Variants in DOCK2 observed in about 807,000 individuals in gnomAD.
DOCK2 encodes the protein dedicator of cytokinesis protein 2.
In DOCK2, 87 loss-of-function variants were observed where a neutral mutation model predicts 248.9. The observed-to-expected ratio is 0.35, with a 90% CI of 0.29 to 0.42. DOCK2 has a LOEUF of 0.42. Among genes scored for constraint, DOCK2 ranks in the 10% least tolerant of loss-of-function variants. The pLI is 1.00. For synonymous variants in DOCK2, 805 were observed against 821.6 expected, an observed-to-expected ratio of 0.98 and a Z score of 0.35; for missense variants, 1,747 against 2,300.2, an observed-to-expected ratio of 0.76 and a Z score of 4.92.
chr5:170,040,854 A>G, intron 36 of DOCK2: 1 of 478,866 alleles, frequency 2.1e-6, no homozygotes, highest in Admixed American at 3.3e-5. Flanking sequence ...TAAAATAGTT[A>G]ACTTAGTACC....
At chr5:169,970,173 G>A (rs1428809497) in intron 27 of DOCK2, among the ~76,000 whole-genome samples, 1 of 152,204 alleles carries the variant, frequency 6.6e-6, no homozygotes, top group Admixed American at 6.5e-5. Flanking sequence ...TTAATTTGAT[G>A]TTCTTAACCA....
intron 9 of DOCK2, among the ~76,000 whole-genome samples, chr5:169,693,058 G>C (rs1463200643): frequency 6.6e-6 from 1 of 152,160 alleles, no homozygotes; most frequent in East Asian, 1.9e-4. Context: ...AGTCTAGGAA[G>C]CTTTCAGGTA....
At chr5:170,007,274 G>T (rs373434295) in intron 30 of DOCK2, among the ~76,000 whole-genome samples, 1 of 152,148 alleles carries the variant, frequency 6.6e-6, no homozygotes, top group South Asian at 2.1e-4. Context: ...GTTGAGAGGG[G>T]CCTAAAGTGG....
chr5:169,718,667 A>G lies in DOCK2; in HGVS notation c.2143A>G (p.Thr715Ala), dbSNP rs1762031032. 1 of 1,612,152 alleles carries G rather than the reference A, an allele frequency of 6.2e-7. No individual in the cohort carries two copies. The highest frequency in any genetic ancestry group is 1.3e-5 in the African/African-American group (1 of 75,004). Residue 715 changes from threonine to alanine, a missense_variant, in exon 22 of 52, where the codon ACA (threonine) becomes GCA (alanine). Physicochemically the swap from Thr to Ala is moderately conservative, Grantham distance 58. This residue lies in a region of DOCK2 where 858 missense variants were observed against 1,183.5 expected (regional missense o/e 0.72). Transcript: ENST00000520908. ...SATLAYKKLM[T>A]VLKTYLDTSS... ...TTATCCCTTATTCAGGAAATTGATG[A>G]CAGTGCTGAAGACTTACTTGGATAC... is the stretch of plus-strand genomic sequence containing the variant.
intron 5 of DOCK2, 43 bp from the exon 6 acceptor site, chr5:169,674,254 C>T (rs1759202846): frequency 6.2e-7 from 1 of 1,605,214 alleles, no homozygotes; most frequent in African/African-American, 1.3e-5. Context: ...GATGGTCATG[C>T]CCCTTTAACA....
chr5:169,764,480 CCT>C lies in DOCK2; in HGVS notation c.2554+2860_2554+2861del, dbSNP rs1764653966. On this transcript the variant is annotated intron_variant, in intron 25 of 51. Transcript: ENST00000520908. This position sits in a 1 kb window ranked among gnomAD's most constrained non-coding sequence, Gnocchi z 4.3. ...GTGTGACTATGGGTAATTTTCTAAA[CCT>C]CTCTGATTCTCAGTAAGCTCATCTG... Among the ~76,000 whole-genome samples the C allele has an allele frequency of 1.3e-5, 2 of 152,164 alleles. No homozygotes were observed. Among genetic ancestry groups the C allele is most frequent in the Admixed American group, 1.3e-4 (2 of 15,272 alleles).
chr5:169,669,288 A>G lies in DOCK2; in HGVS notation c.128A>G (p.Asp43Gly), dbSNP rs1282604050. 3.7e-6 allele frequency: 6 copies of G among 1,613,216 alleles called. No homozygotes were observed. The highest frequency in any genetic ancestry group is 1.7e-5 in the Admixed American group (1 of 59,810). The change falls in exon 3 of 52, where the codon GAC becomes GGC. Residue 43 changes from aspartate to glycine, a missense_variant and splice_region_variant. Coordinates refer to ENST00000520908, the MANE Select transcript of DOCK2 (RefSeq NM_004946.3). ...CTGTTTCTTTGTTTTCTTTTTGCAG[A>G]CTGGTATAGGGGATACCTCATAAAG... Reference protein sequence around the residue: ...DVVRIQETCGDWYRGYLIKHK... With the variant: ...DVVRIQETCGGWYRGYLIKHK...
intron 22 of DOCK2, among the ~76,000 whole-genome samples, chr5:169,738,531 C>T (rs1763156915): frequency 6.6e-6 from 1 of 152,128 alleles, no homozygotes; most frequent in African/African-American, 2.4e-5. Context: ...TTAGGCTGTG[C>T]TTGGAAACTA....
chr5:169,968,849 G>T (rs771225224), intron 27 of DOCK2, among the ~76,000 whole-genome samples: 1 of 152,120 alleles, frequency 6.6e-6, no homozygotes, highest in Admixed American at 6.5e-5. Flanking sequence ...AATAGAGAAG[G>T]CTTCCCGGGA....
intron 27 of DOCK2, among the ~76,000 whole-genome samples, chr5:169,941,029 C>T (rs1245544720): frequency 6.6e-6 from 1 of 152,132 alleles, no homozygotes; most frequent in Non-Finnish European, 1.5e-5. Context: ...GAAAGCCTGC[C>T]CTCATGAAGT....
chr5:169,953,332 CAA>C (rs576183648), intron 27 of DOCK2, among the ~76,000 whole-genome samples: 25 of 123,458 alleles, frequency 2.0e-4, no homozygotes, highest in Non-Finnish European at 1.7e-4. Context: ...GACTCTATCT[CAA>C]AAAAAAAAAA....
At position 169,925,578 on chromosome 5, in the gene DOCK2, T is replaced by TAAAAAAAAA. The variant is rs1561828965; in HGVS notation, c.2800-57490_2800-57489insAAAAAAAAA. 1.5e-4 allele frequency among the ~76,000 whole-genome samples: 5 copies of TAAAAAAAAA among 32,324 alleles called. 2 individuals carry two copies. The highest frequency in any genetic ancestry group is 6.4e-4 in the African/African-American group (5 of 7,838). 21.2% of individuals were successfully genotyped at this position (32,324 alleles called of 152,430 possible). ...CTGGGCGACAGAGCAAGACTCTGTC[T>TAAAAAAAAA]TAAAAAAAAAAAAAAAAAAAAAAAA... On this transcript the variant is annotated intron_variant, in intron 27 of 51. Transcript: ENST00000520908.
intron 1 of DOCK2, among the ~76,000 whole-genome samples, chr5:169,653,562 C>A (rs1401966596): frequency 6.6e-6 from 1 of 152,214 alleles, no homozygotes; most frequent in African/African-American, 2.4e-5. Context: ...CAGGTTCCTT[C>A]CCTTGCGTAG....
chr5:170,053,324 T>C (rs947495937), intron 41 of DOCK2, among the ~76,000 whole-genome samples: 2 of 152,252 alleles, frequency 1.3e-5, no homozygotes, highest in African/African-American at 4.8e-5. Flanking sequence ...TTTGAGTCTT[T>C]GTGGCCCATG....
At chr5:169,842,533 T>A (rs968033735) in intron 27 of DOCK2, among the ~76,000 whole-genome samples, 3 of 152,096 alleles carry the variant, frequency 2.0e-5, no homozygotes, top group African/African-American at 4.8e-5. Flanking sequence ...AATTTTTGTA[T>A]TTTTAGTAGA....
intron 7 of DOCK2, among the ~76,000 whole-genome samples, chr5:169,682,834 TA>T (rs1447438667): frequency 1.3e-5 from 2 of 152,204 alleles, no homozygotes; most frequent in East Asian, 3.8e-4. Context: ...GTGCAACCCC[TA>T]ATTTCCTGTC....
At chr5:169,721,225 C>T (rs548534465) in intron 22 of DOCK2, among the ~76,000 whole-genome samples, 1 of 152,196 alleles carries the variant, frequency 6.6e-6, no homozygotes, top group Non-Finnish European at 1.5e-5. Context: ...GCAGGGTGAT[C>T]TGTTATTCCT....
chr5:170,046,986 G>A (rs1240900806), intron 39 of DOCK2, among the ~76,000 whole-genome samples: 2 of 152,202 alleles, frequency 1.3e-5, no homozygotes, highest in African/African-American at 4.8e-5. Context: ...GCCATTAGGT[G>A]TAAAGTAAGA....
intron 27 of DOCK2, among the ~76,000 whole-genome samples, chr5:169,907,761 C>T (rs191546130): frequency 6.6e-6 from 1 of 152,240 alleles, no homozygotes; most frequent in East Asian, 1.9e-4. Flanking sequence ...GGTGACTTTG[C>T]CCCCACTCTG....
Sources: gnomAD v4.1 joint callset for allele counts (sites outside exome capture counted in the v4.1 genomes callset) on GRCh38, gnomAD v4.1.1 for gene constraint, gnomAD v4.1.1 regional missense constraint, Gnocchi (gnomAD v3.1) non-coding constraint, MANE v1.5 for transcripts, NCBI Gene and HGNC (gene_info 2026-07-23, HGNC 2026-07-21) for gene names.